PALM2AKAP2: variants seen among roughly 807,000 people sequenced by gnomAD.
PALM2AKAP2 encodes PALM2-AKAP2 fusion protein.
PALM2AKAP2 carries 37 observed loss-of-function variants against 71.5 expected under a neutral mutation model. The ratio of observed to expected loss-of-function variants is 0.52; its 90% CI spans 0.40 to 0.68. The LOEUF (loss-of-function observed/expected upper bound fraction) is 0.68. PALM2AKAP2 is among the 30% of genes least tolerant of loss of function. The pLI is 0.00. For synonymous variants in PALM2AKAP2, 468 were observed against 478.8 expected, an observed-to-expected ratio of 0.98 and a Z score of 0.29; for missense variants, 1,224 against 1,191.8, an observed-to-expected ratio of 1.03 and a Z score of -0.40.
intron 7 of PALM2AKAP2, among the ~76,000 whole-genome samples, chr9:110,036,002 C>T (rs949751878): frequency 1.3e-5 from 2 of 151,934 alleles, no homozygotes; most frequent in South Asian, 2.1e-4. Flanking sequence ...AGTGCAGTGG[C>T]GTGATCTCAG....
At chr9:109,918,404 G>C (rs376572822) in intron 3 of PALM2AKAP2, among the ~76,000 whole-genome samples, 20 of 152,176 alleles carry the variant, frequency 1.3e-4, no homozygotes, top group African/African-American at 4.6e-4. Flanking sequence ...CAGCTGCAGT[G>C]TGTCACCTTT....
At chr9:110,010,507 A>G (rs1235138205) in intron 6 of PALM2AKAP2, among the ~76,000 whole-genome samples, 1 of 147,454 alleles carries the variant, frequency 6.8e-6, no homozygotes, top group African/African-American at 2.5e-5. Flanking sequence ...TAATATAGCA[A>G]TATATAATAT....
chr9:109,685,181 TA>T (rs1827790893), intron 1 of PALM2AKAP2, among the ~76,000 whole-genome samples: 3 of 151,954 alleles, frequency 2.0e-5, no homozygotes, highest in Admixed American at 2.0e-4. Context: ...CAGAAGGGAG[TA>T]TTTTGTGGTG....
At chr9:109,831,325 G>A (rs117811747) in intron 1 of PALM2AKAP2, among the ~76,000 whole-genome samples, 2,160 of 152,184 alleles carry the variant, frequency 0.014, 40 homozygotes, top group Middle Eastern at 0.024. Context: ...ACCAGGGTCC[G>A]GAGAGTGTGC....
At chr9:109,665,989 G>T (rs1031618263) in intron 1 of PALM2AKAP2, among the ~76,000 whole-genome samples, 7 of 152,264 alleles carry the variant, frequency 4.6e-5, no homozygotes, top group African/African-American at 1.7e-4. Flanking sequence ...TGTGGGAGGT[G>T]CACAGCCAGG....
chr9:109,871,345 T>C (rs912643063), intron 2 of PALM2AKAP2, among the ~76,000 whole-genome samples: 1 of 152,172 alleles, frequency 6.6e-6, no homozygotes, highest in Non-Finnish European at 1.5e-5. Flanking sequence ...AACCTCAAGA[T>C]ACTTTGAACT....
chr9:109,751,277 A>T (rs1215038022), intron 1 of PALM2AKAP2, among the ~76,000 whole-genome samples: 2 of 152,170 alleles, frequency 1.3e-5, no homozygotes, highest in Admixed American at 6.6e-5. Flanking sequence ...AATTATTCAA[A>T]TGTGCATTCG....
At chr9:109,749,721 A>G (rs1332825306) in intron 1 of PALM2AKAP2, among the ~76,000 whole-genome samples, 1 of 152,162 alleles carries the variant, frequency 6.6e-6, no homozygotes, top group Non-Finnish European at 1.5e-5. Flanking sequence ...CATCTTCTTA[A>G]TTTGACAGAC....
intron 1 of PALM2AKAP2, among the ~76,000 whole-genome samples, chr9:110,126,159 G>A (rs752436416): frequency 6.6e-6 from 1 of 152,000 alleles, no homozygotes; most frequent in Non-Finnish European, 1.5e-5. Flanking sequence ...GGAGACCCTC[G>A]CCAGCTTTGT....
chr9:109,903,343 G>T (rs1470901814), intron 3 of PALM2AKAP2, among the ~76,000 whole-genome samples: 1 of 151,852 alleles, frequency 6.6e-6, no homozygotes, highest in African/African-American at 2.4e-5. Flanking sequence ...CCACTGGTTG[G>T]GTTGTTCATA....
intron 3 of PALM2AKAP2, among the ~76,000 whole-genome samples, chr9:109,909,423 T>C (rs1038422236): frequency 3.9e-5 from 6 of 152,216 alleles, no homozygotes; most frequent in South Asian, 2.1e-4. Flanking sequence ...TGAGAAACAA[T>C]TTATGTGTTC....
At chr9:109,719,577 G>T (rs1293494798) in intron 1 of PALM2AKAP2, among the ~76,000 whole-genome samples, 2 of 152,172 alleles carry the variant, frequency 1.3e-5, no homozygotes, top group Non-Finnish European at 2.9e-5. Context: ...GTGGAAGAGG[G>T]TCACCAGTAT....
intron 1 of PALM2AKAP2, among the ~76,000 whole-genome samples, chr9:109,835,576 C>T (rs146217527): frequency 0.014 from 2,094 of 152,172 alleles, 38 homozygotes; most frequent in African/African-American, 0.048. Flanking sequence ...CAAAGCAGGG[C>T]GAGGCATCGC....
chr9:109,791,511 G>A (rs1368380133), intron 1 of PALM2AKAP2, among the ~76,000 whole-genome samples: 2 of 152,032 alleles, frequency 1.3e-5, no homozygotes, highest in South Asian at 2.1e-4. Context: ...TCCCCTATAG[G>A]GAGATAGGGC....
intron 7 of PALM2AKAP2, among the ~76,000 whole-genome samples, chr9:110,035,665 T>C (rs1437834894): frequency 2.4e-5 from 3 of 125,082 alleles, no homozygotes; most frequent in South Asian, 5.3e-4. Flanking sequence ...ATATAGGATA[T>C]GTTGTGTGTT....
At chr9:109,912,887 G>T (rs891401548) in intron 3 of PALM2AKAP2, among the ~76,000 whole-genome samples, 2 of 152,310 alleles carry the variant, frequency 1.3e-5, no homozygotes, top group South Asian at 2.1e-4. Context: ...ATTCACCCCC[G>T]ATTAGTTTTT....
chr9:110,125,810 C>G lies in PALM2AKAP2; in HGVS notation c.157-10317C>G, dbSNP rs112856199. Among the ~76,000 whole-genome samples, 349 of 149,340 alleles carry G rather than the reference C, an allele frequency of 2.3e-3. 3 individuals carry two copies. The highest frequency in any genetic ancestry group is 8.2e-3 in the African/African-American group (332 of 40,462). ...TTTTTTTTGCAAATCTTGTAAAACT[C>G]TCAGCTTTTGTGCTAAGAGGCAAAG... On this transcript the variant is annotated intron_variant, in intron 1 of 3. Transcript: ENST00000374525.
rs139376678 is a variant in PALM2AKAP2 at position 109,683,583 on chromosome 9, C to A, written c.5+42717C>A. On this transcript the variant is annotated intron_variant, in intron 1 of 6. Transcript: ENST00000374531. ...CAGCACTGTAGAGAATACATCTTTG[C>A]TGTTTTAAGTCATCCAGTGTGTGGT... is the stretch of plus-strand genomic sequence containing the variant. 2.6e-5 allele frequency among the ~76,000 whole-genome samples: 4 copies of A among 152,304 alleles called. No homozygotes were observed. In the East Asian group the frequency reaches 7.7e-4, roughly 29 times the overall value.
intron 1 of PALM2AKAP2, among the ~76,000 whole-genome samples, chr9:109,688,151 C>A (rs765983323): frequency 7.2e-5 from 11 of 152,128 alleles, no homozygotes; most frequent in Non-Finnish European, 1.2e-4. Context: ...GCAAGAATGA[C>A]CAAAATGCGA....
Sources: gnomAD v4.1 joint callset for allele counts (sites outside exome capture counted in the v4.1 genomes callset) on GRCh38, gnomAD v4.1.1 for gene constraint, MANE v1.5 for transcripts, NCBI Gene and HGNC (gene_info 2026-07-23, HGNC 2026-07-21) for gene names.